Variants in AMBRA1 observed in about 807,000 individuals in gnomAD.
AMBRA1 encodes autophagy and beclin 1 regulator 1.
In AMBRA1, 47 loss-of-function variants were observed where a neutral mutation model predicts 125.4. The ratio of observed to expected loss-of-function variants is 0.37; its 90% CI spans 0.30 to 0.48. AMBRA1 has a LOEUF of 0.48. Ranked by LOEUF, AMBRA1 falls within the 20% of genes least tolerant of loss-of-function variation. AMBRA1 has a pLI of 0.99. For synonymous variants in AMBRA1, 626 were observed against 655.5 expected, an observed-to-expected ratio of 0.95 and a Z score of 0.69; for missense variants, 1,331 against 1,693.4, an observed-to-expected ratio of 0.79 and a Z score of 3.76.
At chr11:46,506,989 C>T (rs557894110) in intron 9 of AMBRA1, among the ~76,000 whole-genome samples, 14 of 149,152 alleles carry the variant, frequency 9.4e-5, no homozygotes, top group Non-Finnish European at 2.1e-4. Flanking sequence ...CAAAGTGAAA[C>T]CCCATCTCTA....
At chr11:46,504,685 A>G (rs1202137928) in intron 9 of AMBRA1, 1 of 152,252 alleles carries the variant, frequency 6.6e-6, no homozygotes, top group African/African-American at 2.4e-5. Context: ...TCACAAAAGA[A>G]CAGAAAATTT....
chr11:46,433,711 T>C, intron 13 of AMBRA1, 83 bp from the exon 14 acceptor site: 1 of 1,396,448 alleles, frequency 7.2e-7, no homozygotes, highest in Admixed American at 2.1e-5. Context: ...TCTTGTCTTT[T>C]TCTCTAATCT....
chr11:46,561,717 C>A (rs1267230527), intron 1 of AMBRA1, among the ~76,000 whole-genome samples: 1 of 152,160 alleles, frequency 6.6e-6, no homozygotes, highest in Non-Finnish European at 1.5e-5. Context: ...TCCCTCGAGG[C>A]TTCAAGAAAA....
intron 11 of AMBRA1, among the ~76,000 whole-genome samples, chr11:46,444,041 G>T (rs1024540631): frequency 6.6e-6 from 1 of 151,914 alleles, no homozygotes; most frequent in African/African-American, 2.4e-5. Flanking sequence ...TTCAGACAAA[G>T]TATCTCCTCC....
At chr11:46,476,599 G>A (rs974917034) in intron 11 of AMBRA1, among the ~76,000 whole-genome samples, 47 of 151,970 alleles carry the variant, frequency 3.1e-4, no homozygotes, top group African/African-American at 1.1e-3. Context: ...TGAAGAAACT[G>A]GGCATTTTAA....
At chr11:46,495,454 G>A (rs1258255660) in intron 9 of AMBRA1, 1 of 152,168 alleles carries the variant, frequency 6.6e-6, no homozygotes, top group Non-Finnish European at 1.5e-5. Flanking sequence ...CAATACCAGG[G>A]ATATTGGAAG....
intron 12 of AMBRA1, among the ~76,000 whole-genome samples, chr11:46,439,651 C>CT (rs1947906426): frequency 6.6e-6 from 1 of 152,112 alleles, no homozygotes; most frequent in South Asian, 2.1e-4. Flanking sequence ...ATTTTGACTC[C>CT]TTAAAATAAG....
intron 7 of AMBRA1, among the ~76,000 whole-genome samples, chr11:46,521,315 G>C (rs1481674867): frequency 6.6e-6 from 1 of 152,276 alleles, no homozygotes; most frequent in Non-Finnish European, 1.5e-5. Context: ...TGGTCCCTGG[G>C]AGGCTCATTA....
intron 11 of AMBRA1, among the ~76,000 whole-genome samples, chr11:46,446,143 T>C (rs185039341): frequency 6.6e-6 from 1 of 152,302 alleles, no homozygotes; most frequent in African/African-American, 2.4e-5. Flanking sequence ...TCTCTGCCAA[T>C]GGTGCCAGGG....
intron 7 of AMBRA1, among the ~76,000 whole-genome samples, chr11:46,536,442 A>C (rs1952481665): frequency 6.6e-6 from 1 of 152,146 alleles, no homozygotes; most frequent in Non-Finnish European, 1.5e-5. Context: ...TTGAATAATA[A>C]ATTGTGTATA....
intron 11 of AMBRA1, among the ~76,000 whole-genome samples, chr11:46,468,679 G>A (rs1949436797): frequency 6.6e-6 from 1 of 151,844 alleles, no homozygotes; most frequent in South Asian, 2.1e-4. Context: ...GGGTGTGGTG[G>A]CGGGCGCCTG....
chr11:46,498,542 A>G (rs1950721506), intron 9 of AMBRA1, among the ~76,000 whole-genome samples: 1 of 152,258 alleles, frequency 6.6e-6, no homozygotes, highest in Non-Finnish European at 1.5e-5. Flanking sequence ...AGTATCCAAA[A>G]TAAGTGCTGA....
chr11:46,542,521 A>G lies in AMBRA1; in HGVS notation c.1496T>C (p.Leu499Pro). The change falls in exon 7 of 18, where the codon CTT becomes CCT. Residue 499 changes from leucine to proline, a missense_variant. Coordinates refer to ENST00000683756, the MANE Select transcript of AMBRA1 (RefSeq NM_001387011.1). The surrounding 1 kb of genome is among the most constrained non-coding windows in gnomAD (Gnocchi z 5.9). ...QNNSGSIRHE[L>P]QCDLRRFFLE... The stretch of plus-strand genomic sequence containing the variant: ...AAAGAAGCGTCTCAGGTCACACTGA[A>G]GCTCATGGCGAATGCTGCCCGAGTT... 1.2e-6 allele frequency: 2 copies of G among 1,613,388 alleles called. No individual in the cohort carries two copies. Among genetic ancestry groups the G allele is most frequent in the South Asian group, 1.1e-5 (1 of 91,086 alleles).
At chr11:46,413,037 C>T (rs1946369882) in intron 15 of AMBRA1, among the ~76,000 whole-genome samples, 1 of 152,216 alleles carries the variant, frequency 6.6e-6, no homozygotes, top group African/African-American at 2.4e-5. Flanking sequence ...CTGTTCACAT[C>T]AGACCTACAA....
intron 1 of AMBRA1, among the ~76,000 whole-genome samples, chr11:46,553,338 T>C (rs899118572): frequency 2.6e-5 from 4 of 151,910 alleles, no homozygotes; most frequent in African/African-American, 9.7e-5. Flanking sequence ...ATCTAAAGAG[T>C]ACACAACCAG....
intron 12 of AMBRA1, among the ~76,000 whole-genome samples, chr11:46,443,130 A>G (rs772805213): frequency 6.6e-6 from 1 of 152,260 alleles, no homozygotes; most frequent in Non-Finnish European, 1.5e-5. Context: ...TCTGCTCTGA[A>G]GAGTTTGTGG....
intron 14 of AMBRA1, among the ~76,000 whole-genome samples, chr11:46,420,930 G>A (rs532340145): frequency 6.5e-4 from 99 of 152,110 alleles, no homozygotes; most frequent in Non-Finnish European, 9.4e-4. Context: ...GCTGTGCTGC[G>A]TTTTTTAAAT....
intron 7 of AMBRA1, 52 bp from the exon 8 acceptor site, chr11:46,512,865 G>C (rs757348904): frequency 6.6e-7 from 1 of 1,517,172 alleles, no homozygotes; most frequent in East Asian, 2.4e-5. Flanking sequence ...CCAACTCAGA[G>C]GTCATTCATA....
intron 14 of AMBRA1, among the ~76,000 whole-genome samples, chr11:46,426,042 G>A (rs539383254): frequency 1.5e-4 from 23 of 151,326 alleles, no homozygotes; most frequent in African/African-American, 4.9e-4. Flanking sequence ...AGCTACTCGG[G>A]AGGCTGAGGC....
Sources: gnomAD v4.1 joint callset for allele counts (sites outside exome capture counted in the v4.1 genomes callset) on GRCh38, gnomAD v4.1.1 for gene constraint, Gnocchi (gnomAD v3.1) non-coding constraint, MANE v1.5 for transcripts, NCBI Gene and HGNC (gene_info 2026-07-23, HGNC 2026-07-21) for gene names.